Variants in BTBD2 observed in about 807,000 individuals in gnomAD.
BTBD2 encodes BTB domain containing 2, also known as BTB/POZ domain-containing protein 2.
In BTBD2, 15 loss-of-function variants were observed where a neutral mutation model predicts 44.0. That is an observed-to-expected ratio of 0.34 (90% CI 0.23 to 0.53). BTBD2 has a LOEUF of 0.53. BTBD2 is among the 20% of genes least tolerant of loss of function. The pLI, the probability that BTBD2 is intolerant of heterozygous loss-of-function variation, is 0.95. For synonymous variants in BTBD2, 443 were observed against 335.9 expected (o/e 1.32, Z -3.49); for missense variants, 657 against 746.4 (o/e 0.88, Z 1.39).
chr19:1,987,378 G>T (rs533473022), intron 6 of BTBD2, 122 bp downstream of exon 6: 1 of 1,338,434 alleles, frequency 7.5e-7, no homozygotes, highest in Non-Finnish European at 9.8e-7. Flanking sequence ...CATGCCCGGC[G>T]GCCCCCCCGC....
intron 1 of BTBD2, among the ~76,000 whole-genome samples, chr19:2,010,038 G>A (rs2016444440): frequency 6.6e-6 from 1 of 152,106 alleles, no homozygotes; most frequent in Non-Finnish European, 1.5e-5. Context: ...TGTAGTCCCA[G>A]CTACTCGGGA....
chr19:1,999,109 C>T (rs1202195391), intron 1 of BTBD2, among the ~76,000 whole-genome samples: 1 of 152,150 alleles, frequency 6.6e-6, no homozygotes, highest in East Asian at 1.9e-4. Context: ...CGAGGAGAAG[C>T]TCCTCGCTCT....
At chr19:1,990,695 A>ACCTGGGCT in intron 4 of BTBD2, 22 bp downstream of exon 4, 1 of 1,575,082 alleles carries the variant, frequency 6.3e-7, no homozygotes, top group African/African-American at 1.4e-5. Flanking sequence ...GGATTCCCAC[A>ACCTGGGCT]CCTGGGCTCC....
intron 1 of BTBD2, 96 bp downstream of exon 1, chr19:2,015,201 G>A (rs1186101306): frequency 3.6e-6 from 5 of 1,404,238 alleles, no homozygotes; most frequent in East Asian, 3.0e-5. Context: ...GGGGTGCGGG[G>A]GTCTCGGGGA....
At chr19:1,995,595 C>G (rs2016240639) in intron 2 of BTBD2, among the ~76,000 whole-genome samples, 1 of 150,498 alleles carries the variant, frequency 6.6e-6, no homozygotes, top group African/African-American at 2.4e-5. Flanking sequence ...TTGGATTCTT[C>G]TAAGTATTTT....
In BTBD2 at chr19:1,995,071, G is replaced by A. The variant is rs143976470; in HGVS notation, c.528-1895C>T. On this transcript the variant is annotated intron_variant, in intron 2 of 8. Coordinates refer to ENST00000255608, the MANE Select transcript of BTBD2 (RefSeq NM_017797.4). ...AAACCTCTGCCTCCCAGGTTCAAGCGATTCTCCTGCCTCAGCTTCCTGAGT... is the reference window on the plus strand; with the variant it reads ...AAACCTCTGCCTCCCAGGTTCAAGCAATTCTCCTGCCTCAGCTTCCTGAGT... Among the ~76,000 whole-genome samples the A allele has an allele frequency of 5.7e-3, 869 of 151,296 alleles. 10 individuals are homozygous for A. Among genetic ancestry groups the A allele is most frequent in the African/African-American group, 0.02 (824 of 41,206 alleles).
At chr19:2,000,611 G>A (rs916607461) in intron 1 of BTBD2, among the ~76,000 whole-genome samples, 3 of 152,114 alleles carry the variant, frequency 2.0e-5, no homozygotes, top group Non-Finnish European at 4.4e-5. Context: ...CGACCCCTGG[G>A]CACCGCTACT....
chr19:2,007,667 A>T (rs1342557275), intron 1 of BTBD2, among the ~76,000 whole-genome samples: 1 of 152,076 alleles, frequency 6.6e-6, no homozygotes, highest in Admixed American at 6.6e-5. Context: ...CGTCTCTAAA[A>T]ATACAAAAAT....
At chr19:1,990,248 C>T (rs1433365845) in intron 4 of BTBD2, 47 bp from the exon 5 acceptor site, 6 of 1,545,086 alleles carry the variant, frequency 3.9e-6, no homozygotes, top group South Asian at 3.5e-5. Context: ...CCCACATGCC[C>T]ACCCTGCAGG....
At chr19:1,990,242 C>G (rs2016155525) in intron 4 of BTBD2, 41 bp from the exon 5 acceptor site, 2 of 1,549,746 alleles carry the variant, frequency 1.3e-6, no homozygotes, top group South Asian at 1.2e-5. Context: ...ACGACACCCA[C>G]ATGCCCACCC....
chr19:2,006,106 T>A (rs927730502), intron 1 of BTBD2, among the ~76,000 whole-genome samples: 8 of 148,842 alleles, frequency 5.4e-5, no homozygotes, highest in South Asian at 2.1e-4. Context: ...AAAAAAAAAA[T>A]TTAATTTTTA....
At chr19:1,999,409 G>A (rs904437297) in intron 1 of BTBD2, among the ~76,000 whole-genome samples, 2 of 152,230 alleles carry the variant, frequency 1.3e-5, no homozygotes, top group African/African-American at 2.4e-5. Context: ...GCCCACACCC[G>A]TCATCCCAGC....
At chr19:1,998,505 C>T (rs187228111) in intron 1 of BTBD2, among the ~76,000 whole-genome samples, 1 of 152,306 alleles carries the variant, frequency 6.6e-6, no homozygotes, top group Non-Finnish European at 1.5e-5. Flanking sequence ...GGTTCTGCCC[C>T]GTGTGAAGCT....
intron 5 of BTBD2, chr19:1,987,899 G>A: frequency 6.9e-6 from 4 of 581,110 alleles, no homozygotes; most frequent in Middle Eastern, 4.6e-4. Flanking sequence ...CAGACCAGAG[G>A]CCGACAGATA....
intron 1 of BTBD2, among the ~76,000 whole-genome samples, chr19:2,002,005 T>C (rs1035461914): frequency 3.9e-5 from 6 of 152,190 alleles, no homozygotes; most frequent in African/African-American, 1.4e-4. Context: ...TCTCCCAAAG[T>C]GCTGGGATTA....
intron 2 of BTBD2, among the ~76,000 whole-genome samples, chr19:1,995,640 A>ATTT (rs201871379): frequency 7.9e-6 from 1 of 126,262 alleles, no homozygotes; most frequent in East Asian, 2.3e-4. Flanking sequence ...ACTTTGATCT[A>ATTT]TTTTTTTTTT....
At chr19:2,006,921 G>A (rs142019935) in intron 1 of BTBD2, among the ~76,000 whole-genome samples, 105 of 151,924 alleles carry the variant, frequency 6.9e-4, no homozygotes, top group African/African-American at 2.1e-3. Flanking sequence ...GCAGTGACGC[G>A]ATCTCGGCTC....
intron 1 of BTBD2, among the ~76,000 whole-genome samples, chr19:2,001,984 G>A (rs1035012893): frequency 1.3e-5 from 2 of 152,080 alleles, no homozygotes; most frequent in African/African-American, 2.4e-5. Flanking sequence ...CAGATGATCC[G>A]CCCGCCTCCG....
intron 1 of BTBD2, among the ~76,000 whole-genome samples, chr19:2,007,650 G>A (rs937435609): frequency 4.6e-5 from 7 of 152,000 alleles, no homozygotes; most frequent in African/African-American, 9.7e-5. Flanking sequence ...CCAAAATGGC[G>A]AAACCCCGTC....
Sources: allele counts gnomAD v4.1 joint callset (sites outside exome capture counted in the v4.1 genomes callset), GRCh38; gene constraint gnomAD v4.1.1; transcripts MANE v1.5; gene names NCBI Gene and HGNC (gene_info 2026-07-23, HGNC 2026-07-21).